The following AFDN variants were observed in gnomAD, a reference collection of about 807,000 sequenced individuals.
The protein encoded by AFDN is afadin.
AFDN carries 68 observed loss-of-function variants against 216.6 expected under a neutral mutation model. The ratio of observed to expected loss-of-function variants is 0.31; its 90% CI spans 0.26 to 0.38. AFDN has a LOEUF of 0.38. AFDN is among the 10% of genes least tolerant of loss of function. The pLI is 1.00. For synonymous variants in AFDN, 868 were observed against 853.7 expected, an observed-to-expected ratio of 1.02 and a Z score of -0.29; for missense variants, 2,136 against 2,342.0, an observed-to-expected ratio of 0.91 and a Z score of 1.82.
chr6:167,862,439 G>A (rs908727506), intron 1 of AFDN, among the ~76,000 whole-genome samples: 6 of 151,788 alleles, frequency 4.0e-5, no homozygotes, highest in South Asian at 2.1e-4. Context: ...GCAGTGGCGC[G>A]ATCTTGGCTG....
At chr6:167,830,452 A>G (rs751083507) in intron 1 of AFDN, among the ~76,000 whole-genome samples, 4 of 152,222 alleles carry the variant, frequency 2.6e-5, no homozygotes, top group Non-Finnish European at 5.9e-5. Flanking sequence ...TTTATTCATG[A>G]CAAAATATGG....
intron 1 of AFDN, 76 bp from the exon 2 acceptor site, chr6:167,864,475 C>G (rs1783952411): frequency 3.0e-6 from 4 of 1,343,936 alleles, no homozygotes; most frequent in Non-Finnish European, 4.3e-6. Flanking sequence ...AACAGACTTC[C>G]TCATTTATTA....
At chr6:167,926,348 G>C (rs1175531740) in intron 23 of AFDN, among the ~76,000 whole-genome samples, 1 of 152,274 alleles carries the variant, frequency 6.6e-6, no homozygotes, top group Non-Finnish European at 1.5e-5. Flanking sequence ...TGAACCGAAG[G>C]CTAGATGGTG....
At chr6:167,850,094 A>G (rs1250943566) in intron 1 of AFDN, among the ~76,000 whole-genome samples, 2 of 152,236 alleles carry the variant, frequency 1.3e-5, no homozygotes, top group African/African-American at 2.4e-5. Context: ...ATGCAGTTCA[A>G]GATCACTCAT....
intron 19 of AFDN, among the ~76,000 whole-genome samples, chr6:167,915,804 C>G (rs969597501): frequency 6.6e-6 from 1 of 152,188 alleles, no homozygotes. Context: ...TTGTTTCATG[C>G]ACAAAGTTAT....
In AFDN at chr6:167,952,099, A is replaced by C; in HGVS notation, c.4745A>C (p.Gln1582Pro). Residue 1582 changes from glutamine to proline, a missense_variant, in exon 30 of 34, where the codon CAG becomes CCG. By Grantham distance (76) the Gln-to-Pro change is moderately conservative. Around this residue, in one of 8 missense-constraint regions of AFDN, gnomAD observed 981 missense variants for 966.0 expected, o/e 1.02. Transcript: ENST00000683244. ...QFQKRLQESK[Q>P]KDEDDEEEED... ...CAGAAGAGACTCCAGGAGTCGAAGC[A>C]GAAGGACGAAGATGACGAGGAGGAG... The C allele has an allele frequency of 1.2e-6, 2 of 1,614,172 alleles. No individual in the cohort carries two copies. The highest frequency in any genetic ancestry group is 1.7e-6 in the Non-Finnish European group (2 of 1,180,026).
intron 31 of AFDN, chr6:167,964,612 C>T (rs1001661701): frequency 3.0e-6 from 3 of 1,005,536 alleles, no homozygotes; most frequent in Non-Finnish European, 3.6e-6. Flanking sequence ...TGCGTATTCA[C>T]TCTGTGTGTG....
chr6:167,857,343 C>T (rs1226293853), intron 1 of AFDN, among the ~76,000 whole-genome samples: 1 of 152,014 alleles, frequency 6.6e-6, no homozygotes, highest in Non-Finnish European at 1.5e-5. Context: ...TAATGTTTTT[C>T]ACCACGTTAT....
chr6:167,894,036 T>C (rs1314023443), intron 9 of AFDN, 130 bp downstream of exon 9: 2 of 679,542 alleles, frequency 2.9e-6, no homozygotes, highest in Non-Finnish European at 2.6e-6. Context: ...TTTTAAGAAA[T>C]TTAATGTACT....
intron 1 of AFDN, among the ~76,000 whole-genome samples, chr6:167,844,886 G>T (rs1781488719): frequency 1.4e-5 from 2 of 139,046 alleles, no homozygotes; most frequent in African/African-American, 2.6e-5. Context: ...TTGAGACAGG[G>T]TCTCACTCTG....
chr6:167,874,610 A>ATTTTTT (rs34069250), intron 4 of AFDN, among the ~76,000 whole-genome samples: 7 of 113,264 alleles, frequency 6.2e-5, no homozygotes, highest in South Asian at 3.0e-4. Flanking sequence ...ATTTGCTATA[A>ATTTTTT]TTTTTTTTTT....
At chr6:167,826,895 GCGGCGGGCGCCGGGCGCACACCGGC>G (rs1013936057) in exon 1 of AFDN, 2 of 143,138 alleles carry the variant, frequency 1.4e-5, no homozygotes, top group African/African-American at 2.5e-5. Context: ...CGGGCGGCGG[GCGGCGGGCGCCGGGCGCACACCGGC>G]CGGCGGGGCT....
In AFDN at chr6:167,948,364, C is replaced by A. The variant is rs148745227; in HGVS notation, c.3717C>A (p.Thr1239=). The part of the protein sequence containing the change: ...PTQTYTREYF[T]FPASKSQDRM... ...AGACGTACACCAGAGAGTATTTTAC[C>A]TTCCCAGCTTCCAAATCCCAGGATC... The change falls in exon 29 of 34, where the codon ACC becomes ACA. Residue 1239 remains threonine, a synonymous_variant. Coordinates refer to ENST00000683244, the MANE Select transcript of AFDN (RefSeq NM_001386888.1). 3.1e-5 allele frequency: 50 copies of A among 1,614,124 alleles called. No homozygotes were observed. In the East Asian group the frequency reaches 1.0e-3, roughly 33 times the overall value.
intron 30 of AFDN, among the ~76,000 whole-genome samples, chr6:167,957,026 C>T (rs1317185621): frequency 6.6e-6 from 1 of 152,222 alleles, no homozygotes; most frequent in Non-Finnish European, 1.5e-5. Context: ...CCTCTTCACA[C>T]CCTTGCCCAC....
intron 5 of AFDN, among the ~76,000 whole-genome samples, chr6:167,877,727 A>T (rs919299271): frequency 5.3e-5 from 8 of 152,224 alleles, no homozygotes; most frequent in Non-Finnish European, 1.2e-4. Context: ...CTTAGCTATC[A>T]GGTTAATTCT....
At chr6:167,964,574 TCTCCCTCAAAA>T (rs1797345532) in intron 31 of AFDN, 2 of 1,065,636 alleles carry the variant, frequency 1.9e-6, no homozygotes, top group Non-Finnish European at 2.3e-6. Flanking sequence ...TTAAGAGTTT[TCTCCCTCAAAA>T]GGTGAAGGAG....
chr6:167,919,611 C>T (rs778447915), intron 21 of AFDN, among the ~76,000 whole-genome samples: 4 of 152,250 alleles, frequency 2.6e-5, no homozygotes, highest in African/African-American at 4.8e-5. Context: ...ATGTTGTGTG[C>T]TTTTCTGTGT....
At chr6:167,896,558 A>G (rs1405329211) in intron 9 of AFDN, among the ~76,000 whole-genome samples, 1 of 152,198 alleles carries the variant, frequency 6.6e-6, no homozygotes, top group African/African-American at 2.4e-5. Context: ...TCATATTGCT[A>G]CTACAGTTGC....
chr6:167,952,341 TGTC>T (rs1796091982), intron 30 of AFDN, 154 bp downstream of exon 30: 41 of 1,509,110 alleles, frequency 2.7e-5, no homozygotes, highest in Non-Finnish European at 3.4e-5. Flanking sequence ...TCTTGGCTGA[TGTC>T]GTAGAGAAAT....
Sources: gnomAD v4.1 joint callset for allele counts (sites outside exome capture counted in the v4.1 genomes callset) on GRCh38, gnomAD v4.1.1 for gene constraint, gnomAD v4.1.1 regional missense constraint, MANE v1.5 for transcripts, NCBI Gene and HGNC (gene_info 2026-07-23, HGNC 2026-07-21) for gene names.